PDE4D: variants seen among roughly 807,000 people sequenced by gnomAD.
PDE4D encodes phosphodiesterase 4D, also known as 3',5'-cyclic-AMP phosphodiesterase 4D.
Under a neutral mutation model 87.4 loss-of-function variants are expected in PDE4D, and 24 were observed. The ratio of observed to expected loss-of-function variants is 0.27; its 90% CI spans 0.20 to 0.39. The LOEUF (loss-of-function observed/expected upper bound fraction) is 0.39. PDE4D is among the 10% of genes least tolerant of loss of function. The pLI, the probability that PDE4D is intolerant of heterozygous loss-of-function variation, is 1.00. For synonymous variants in PDE4D, 384 were observed against 383.2 expected, an observed-to-expected ratio of 1.00 and a Z score of -0.02; for missense variants, 714 against 1,041.0, an observed-to-expected ratio of 0.69 and a Z score of 4.32.
chr5:59,848,387 G>A (rs1267534973), intron 1 of PDE4D, among the ~76,000 whole-genome samples: 1 of 151,956 alleles, frequency 6.6e-6, no homozygotes, highest in African/African-American at 2.4e-5. Context: ...ATCATTGCTA[G>A]TTGCATTAAA....
chr5:60,510,749 T>C (rs1311706922), intron 1 of PDE4D, among the ~76,000 whole-genome samples: 1 of 152,142 alleles, frequency 6.6e-6, no homozygotes, highest in Non-Finnish European at 1.5e-5. Context: ...AGAAAGATAA[T>C]TTCTGGAAAA....
intron 2 of PDE4D, among the ~76,000 whole-genome samples, chr5:60,024,179 G>C (rs1250495358): frequency 6.6e-6 from 1 of 152,148 alleles, no homozygotes; most frequent in Admixed American, 6.6e-5. Context: ...GAGAGAAAGA[G>C]AGAGAGAATT....
intron 1 of PDE4D, among the ~76,000 whole-genome samples, chr5:60,465,147 T>A (rs1747251392): frequency 1.3e-5 from 2 of 151,862 alleles, no homozygotes; most frequent in Non-Finnish European, 2.9e-5. Context: ...TAAATAAAAA[T>A]TTAATTTATT....
chr5:60,032,068 T>A (rs1767299388), intron 2 of PDE4D, among the ~76,000 whole-genome samples: 1 of 152,038 alleles, frequency 6.6e-6, no homozygotes, highest in Non-Finnish European at 1.5e-5. Flanking sequence ...TAGTAAAACT[T>A]CAAAAACAGA....
At chr5:59,504,958 GTA>G (rs1271818109) in intron 1 of PDE4D, among the ~76,000 whole-genome samples, 4 of 151,662 alleles carry the variant, frequency 2.6e-5, no homozygotes, top group East Asian at 1.9e-4. Flanking sequence ...GTGTGTTTGT[GTA>G]TGTGTGTGTG....
At chr5:58,984,607 AAGT>A (rs1274738996) in intron 11 of PDE4D, among the ~76,000 whole-genome samples, 3 of 152,304 alleles carry the variant, frequency 2.0e-5, no homozygotes, top group Admixed American at 6.5e-5. Context: ...TTCAAAATAA[AAGT>A]AGAGAAATAA....
At chr5:60,492,875 A>G (rs1239598490), upstream of PDE4D, among the ~76,000 whole-genome samples, 6 of 151,824 alleles carry the variant, frequency 4.0e-5, no homozygotes, top group Admixed American at 6.6e-5. Flanking sequence ...CATGTACCCT[A>G]GTACTTAAAG....
intron 1 of PDE4D, among the ~76,000 whole-genome samples, chr5:59,611,996 C>A (rs938156729): frequency 6.6e-6 from 1 of 152,170 alleles, no homozygotes; most frequent in Non-Finnish European, 1.5e-5. Flanking sequence ...TTTATCAATG[C>A]CCCTGAGGTC....
At chr5:59,345,747 T>G (rs1348853016) in intron 1 of PDE4D, among the ~76,000 whole-genome samples, 1 of 152,186 alleles carries the variant, frequency 6.6e-6, no homozygotes, top group African/African-American at 2.4e-5. Flanking sequence ...GAAACATCAC[T>G]TTGGGGGCGA....
chr5:59,874,046 C>T (rs1169092839), intron 1 of PDE4D, among the ~76,000 whole-genome samples: 3 of 151,908 alleles, frequency 2.0e-5, no homozygotes, highest in African/African-American at 4.8e-5. Flanking sequence ...CTTGTCTCTA[C>T]AGAAAAATTT....
intron 1 of PDE4D, among the ~76,000 whole-genome samples, chr5:59,733,642 T>A (rs1157821712): frequency 6.6e-6 from 1 of 152,080 alleles, no homozygotes; most frequent in Admixed American, 6.6e-5. Flanking sequence ...TTAAAATGAC[T>A]ATTTTACCAA....
At chr5:60,318,238 A>G (rs1755833114) in intron 1 of PDE4D, among the ~76,000 whole-genome samples, 1 of 152,184 alleles carries the variant, frequency 6.6e-6, no homozygotes, top group African/African-American at 2.4e-5. Context: ...CCATTATGTA[A>G]TGGGCTTCTT....
chr5:60,158,815 C>T (rs1307875385), intron 2 of PDE4D, among the ~76,000 whole-genome samples: 5 of 152,146 alleles, frequency 3.3e-5, no homozygotes, highest in Non-Finnish European at 5.9e-5. Flanking sequence ...GTGATCCGCC[C>T]GCCTCGGCCT....
chr5:59,836,250 A>G (rs1742010448), intron 1 of PDE4D, among the ~76,000 whole-genome samples: 1 of 151,978 alleles, frequency 6.6e-6, no homozygotes, highest in South Asian at 2.1e-4. Flanking sequence ...GTACTTTATT[A>G]TTTATGTAAC....
At chr5:59,364,924 A>T (rs1582175287) in intron 1 of PDE4D, among the ~76,000 whole-genome samples, 1 of 151,070 alleles carries the variant, frequency 6.6e-6, no homozygotes, top group South Asian at 2.1e-4. Flanking sequence ...ATGCATGTTT[A>T]GCATCACCTC....
intron 1 of PDE4D, among the ~76,000 whole-genome samples, chr5:59,301,807 G>A (rs779135033): frequency 6.6e-6 from 1 of 152,094 alleles, no homozygotes; most frequent in African/African-American, 2.4e-5. Context: ...CAACAGTCAG[G>A]TGACTGTCAT....
chr5:59,127,340 G>A (rs1561531623), intron 5 of PDE4D, among the ~76,000 whole-genome samples: 1 of 152,170 alleles, frequency 6.6e-6, no homozygotes, highest in African/African-American at 2.4e-5. Context: ...GTGGCTCAGG[G>A]CCTCTGTCCA....
intron 3 of PDE4D, among the ~76,000 whole-genome samples, chr5:59,918,485 TTAAG>T (rs1231309194): frequency 3.3e-5 from 5 of 152,156 alleles, no homozygotes; most frequent in African/African-American, 1.2e-4. Flanking sequence ...GGCAGGAACT[TTAAG>T]TTGCTTCTAA....
chr5:60,358,619 T>C (rs1236363595), intron 1 of PDE4D, among the ~76,000 whole-genome samples: 2 of 152,166 alleles, frequency 1.3e-5, no homozygotes, highest in Admixed American at 6.5e-5. Context: ...CATTGTGACA[T>C]AGGCCTGTCA....
Sources: gnomAD v4.1 joint callset for allele counts (sites outside exome capture counted in the v4.1 genomes callset) on GRCh38, gnomAD v4.1.1 for gene constraint, MANE v1.5 for transcripts, NCBI Gene and HGNC (gene_info 2026-07-23, HGNC 2026-07-21) for gene names.